Variants in ICA1L observed in about 807,000 individuals in gnomAD.
ICA1L encodes islet cell autoantigen 1 like.
ICA1L carries 50 observed loss-of-function variants against 61.3 expected under a neutral mutation model. The ratio of observed to expected loss-of-function variants is 0.82; its 90% CI spans 0.65 to 1.03. ICA1L has a LOEUF of 1.03. Ranked by LOEUF, ICA1L falls within the 50% of genes least tolerant of loss-of-function variation. The pLI is 0.00. For synonymous variants in ICA1L, 161 were observed against 191.3 expected, an observed-to-expected ratio of 0.84 and a Z score of 1.31; for missense variants, 508 against 556.7, an observed-to-expected ratio of 0.91 and a Z score of 0.88.
intron 12 of ICA1L, among the ~76,000 whole-genome samples, chr2:202,783,805 T>C (rs1020199086): frequency 1.3e-5 from 2 of 152,130 alleles, no homozygotes; most frequent in African/African-American, 4.8e-5. Flanking sequence ...AATGTCCTTG[T>C]TTTTAGGAAA....
At chr2:202,803,717 G>A (rs575775665) in intron 9 of ICA1L, among the ~76,000 whole-genome samples, 2 of 152,058 alleles carry the variant, frequency 1.3e-5, no homozygotes, top group South Asian at 2.1e-4. Flanking sequence ...TTGTAGAGAC[G>A]GGGTTTCACC....
chr2:202,792,828 A>G (rs958316430), intron 10 of ICA1L, among the ~76,000 whole-genome samples: 3 of 152,150 alleles, frequency 2.0e-5, no homozygotes, highest in Non-Finnish European at 4.4e-5. Flanking sequence ...AAATAATAAT[A>G]AACTACTGAT....
intron 12 of ICA1L, among the ~76,000 whole-genome samples, chr2:202,781,498 C>T (rs540597557): frequency 1.5e-4 from 23 of 149,482 alleles, no homozygotes; most frequent in Non-Finnish European, 1.9e-4. Context: ...TGCTTGAATC[C>T]GGGAGGCAGA....
chr2:202,871,415 G>T (rs1026578368), intron 1 of ICA1L: 7 of 152,186 alleles, frequency 4.6e-5, no homozygotes, highest in African/African-American at 1.7e-4. Flanking sequence ...TCGCCTGGAA[G>T]AAGGCCGCAG....
At chr2:202,858,480 G>A (rs1694823256) in intron 1 of ICA1L, among the ~76,000 whole-genome samples, 1 of 152,184 alleles carries the variant, frequency 6.6e-6, no homozygotes. Flanking sequence ...AGGGGTTGGG[G>A]GAAAGGAGAG....
In ICA1L at chr2:202,774,222, G is replaced by A. The variant is rs529529592; in HGVS notation, c.*5311C>T. ...TCCAGCAGCGCCGGATCGAAGGCGCGGGGCGGCTCCTGAGTCTTCTCGCTC... is the reference window on the plus strand; with the variant it reads ...TCCAGCAGCGCCGGATCGAAGGCGCAGGGCGGCTCCTGAGTCTTCTCGCTC... On this transcript the variant is annotated 3_prime_UTR_variant, in exon 13 of 13. Coordinates refer to ENST00000358299, the MANE Select transcript of ICA1L (RefSeq NM_001288622.3). 488 of 1,550,044 alleles carry A rather than the reference G, an allele frequency of 3.1e-4. 4 individuals are homozygous for A. In the South Asian group the frequency reaches 5.5e-3, roughly 17 times the overall value.
In ICA1L at chr2:202,844,064, T is replaced by C. The variant is rs527931066; in HGVS notation, c.-7-15048A>G. On this transcript the variant is annotated intron_variant, in intron 1 of 12. Coordinates refer to ENST00000358299, the MANE Select transcript of ICA1L (RefSeq NM_001288622.3). Reference sequence around the variant, plus strand: ...TACCAGTGTTTCCAGTTTGGGACTATTGTAAATAAGGCTGTTATGAACATA... The same window carrying C: ...TACCAGTGTTTCCAGTTTGGGACTACTGTAAATAAGGCTGTTATGAACATA... Among the ~76,000 whole-genome samples, 16 of 152,358 alleles carry C rather than the reference T, an allele frequency of 1.1e-4. 1 individual carries two copies. In the South Asian group the frequency reaches 2.9e-3, roughly 28 times the overall value.
At chr2:202,825,158 G>T (rs148943948) in intron 3 of ICA1L, among the ~76,000 whole-genome samples, 4 of 152,260 alleles carry the variant, frequency 2.6e-5, no homozygotes, top group African/African-American at 9.6e-5. Flanking sequence ...TTAAGTGATG[G>T]AAACAAATCC....
chr2:202,857,906 A>G (rs750928324), intron 1 of ICA1L, among the ~76,000 whole-genome samples: 3 of 152,228 alleles, frequency 2.0e-5, no homozygotes, highest in Non-Finnish European at 4.4e-5. Context: ...AATGCAAATC[A>G]ATACCACAGT....
intron 1 of ICA1L, among the ~76,000 whole-genome samples, chr2:202,850,964 AAG>A (rs1694601428): frequency 6.6e-6 from 1 of 151,724 alleles, no homozygotes. Flanking sequence ...TACAAGCCAG[AAG>A]AGAGTGGGGG....
In ICA1L at chr2:202,802,674, G is replaced by A. The variant is rs1693114308; in HGVS notation, c.911-5710C>T. 3.3e-5 allele frequency among the ~76,000 whole-genome samples: 5 copies of A among 152,116 alleles called. No homozygotes were observed. In the South Asian group the frequency reaches 1.0e-3, roughly 32 times the overall value. Reference sequence around the variant, plus strand: ...AAAAGTATCTAAACTAAAGGAGGTAGTCAAGGAGAAAGGAAAATGAACTCA... The same window carrying A: ...AAAAGTATCTAAACTAAAGGAGGTAATCAAGGAGAAAGGAAAATGAACTCA... On this transcript the variant is annotated intron_variant, in intron 9 of 12. Coordinates refer to ENST00000358299, the MANE Select transcript of ICA1L (RefSeq NM_001288622.3).
Position 202,780,576 on chromosome 2 carries a change from C to T in ICA1L, c.1334-928G>A, listed in dbSNP as rs189788668. ...AGGAGTCCACAAGGCAGGGTTGAGA[C>T]CCAGAGGACAGTCTAAGAACTGGAC... On this transcript the variant is annotated intron_variant, in intron 12 of 12. Coordinates refer to ENST00000358299, the MANE Select transcript of ICA1L (RefSeq NM_001288622.3). 3.8e-3 allele frequency among the ~76,000 whole-genome samples: 575 copies of T among 152,208 alleles called. 1 individual carries two copies. The highest frequency in any genetic ancestry group is 7.5e-3 in the Admixed American group (115 of 15,292).
intron 1 of ICA1L, among the ~76,000 whole-genome samples, chr2:202,851,361 A>G (rs1271071329): frequency 6.6e-6 from 1 of 152,180 alleles, no homozygotes; most frequent in Non-Finnish European, 1.5e-5. Flanking sequence ...TTATGGCTGC[A>G]TAGTATTCCA....
At chr2:202,802,512 A>ATTTTATT (rs1693109702) in intron 9 of ICA1L, among the ~76,000 whole-genome samples, 5 of 152,204 alleles carry the variant, frequency 3.3e-5, no homozygotes, top group Admixed American at 6.5e-5. Flanking sequence ...TATACCAGCA[A>ATTTTATT]AAATTAAAAA....
At chr2:202,864,739 C>T (rs1687438054) in intron 1 of ICA1L, among the ~76,000 whole-genome samples, 1 of 152,026 alleles carries the variant, frequency 6.6e-6, no homozygotes, top group African/African-American at 2.4e-5. Context: ...AGTCTATGGG[C>T]CAGGTGCGGT....
chr2:202,860,148 T>C (rs1694872394), intron 1 of ICA1L: 1 of 151,914 alleles, frequency 6.6e-6, no homozygotes, highest in Admixed American at 6.6e-5. Context: ...GGCACATACC[T>C]GTAGTCCTAG....
chr2:202,837,355 C>T (rs1045759045), intron 1 of ICA1L, among the ~76,000 whole-genome samples: 4 of 151,928 alleles, frequency 2.6e-5, no homozygotes, highest in African/African-American at 9.7e-5. Context: ...GCGATCTCGG[C>T]TCACTGCAAG....
At chr2:202,791,604 T>C (rs1227865970) in intron 10 of ICA1L, among the ~76,000 whole-genome samples, 2 of 152,186 alleles carry the variant, frequency 1.3e-5, no homozygotes, top group East Asian at 3.8e-4. Flanking sequence ...CCCAACACTT[T>C]GGGAGGCTGA....
intron 1 of ICA1L, among the ~76,000 whole-genome samples, chr2:202,845,842 A>G (rs1233740707): frequency 1.3e-5 from 2 of 152,196 alleles, no homozygotes; most frequent in African/African-American, 2.4e-5. Context: ...AAGCACTGAA[A>G]TCCTCTTGAG....
Sources: allele counts gnomAD v4.1 joint callset (sites outside exome capture counted in the v4.1 genomes callset), GRCh38; gene constraint gnomAD v4.1.1; transcripts MANE v1.5; gene names NCBI Gene and HGNC (gene_info 2026-07-23, HGNC 2026-07-21).